The following MATCAP2 variants were observed in gnomAD, a reference collection of about 807,000 sequenced individuals.
MATCAP2 encodes putative tyrosine carboxypeptidase MATCAP2.
chr7:36,332,285 T>TG, the MATCAP2 span, among the ~76,000 whole-genome samples: 13 of 152,096 alleles, frequency 8.5e-5, no homozygotes, highest in Non-Finnish European at 1.9e-4. Context: ...AAAATGCCCT[T>TG]GAAAAAAAGA....
chr7:36,364,603 T>A, the MATCAP2 span, among the ~76,000 whole-genome samples: 3 of 151,544 alleles, frequency 2.0e-5, no homozygotes, highest in African/African-American at 7.3e-5. Flanking sequence ...GAAAAAAAAA[T>A]GAACACATTT....
At chr7:36,327,712 G>A in the MATCAP2 span, among the ~76,000 whole-genome samples, 4 of 152,214 alleles carry the variant, frequency 2.6e-5, no homozygotes, top group Admixed American at 6.5e-5. Flanking sequence ...GAGCACCCAC[G>A]TGATGCTCAC....
chr7:36,328,984 A>C, the MATCAP2 span, among the ~76,000 whole-genome samples: 1 of 152,200 alleles, frequency 6.6e-6, no homozygotes, highest in Non-Finnish European at 1.5e-5. Flanking sequence ...CAAAGGTTGC[A>C]GTGAGCCAAG....
the MATCAP2 span, among the ~76,000 whole-genome samples, chr7:36,378,805 G>A: frequency 3.9e-5 from 6 of 152,330 alleles, no homozygotes; most frequent in East Asian, 3.9e-4. Context: ...ACTCAGCAAC[G>A]GCAGACGCCC....
chr7:36,380,208 T>C, the MATCAP2 span, among the ~76,000 whole-genome samples: 1 of 152,188 alleles, frequency 6.6e-6, no homozygotes, highest in Non-Finnish European at 1.5e-5. Context: ...GCAGGGTTTA[T>C]TCAGGAATGA....
the MATCAP2 span, among the ~76,000 whole-genome samples, chr7:36,335,445 C>A: frequency 0.017 from 2,524 of 152,210 alleles, 34 homozygotes; most frequent in Non-Finnish European, 0.024. Context: ...AAAACTGTAC[C>A]TCTGAGGTGT....
the MATCAP2 span, among the ~76,000 whole-genome samples, chr7:36,350,079 C>A: frequency 2.0e-5 from 3 of 152,198 alleles, no homozygotes; most frequent in African/African-American, 7.2e-5. Context: ...AGAAGGCTTA[C>A]TTTTTCCTCC....
chr7:36,339,431 G>A, the MATCAP2 span, among the ~76,000 whole-genome samples: 2 of 152,198 alleles, frequency 1.3e-5, no homozygotes, highest in Non-Finnish European at 2.9e-5. Context: ...ATGGGAACTG[G>A]TGCCAAATGC....
chr7:36,336,163 G>A, the MATCAP2 span: 2 of 1,535,048 alleles, frequency 1.3e-6, no homozygotes, highest in Non-Finnish European at 1.7e-6. Flanking sequence ...CCTCCCCTAG[G>A]CAGCCTTCCT....
chr7:36,326,596 T>C, the MATCAP2 span: 1 of 474,086 alleles, frequency 2.1e-6, no homozygotes, highest in Non-Finnish European at 3.6e-6. Context: ...AGGGAAATAG[T>C]TTAAGATCTG....
chr7:36,331,244 A>T, the MATCAP2 span, among the ~76,000 whole-genome samples: 1 of 152,228 alleles, frequency 6.6e-6, no homozygotes, highest in Non-Finnish European at 1.5e-5. Flanking sequence ...ATAAAATGTC[A>T]GGTCTTGGGA....
At chr7:36,390,181 G>A in the MATCAP2 span, 1 of 1,462,960 alleles carries the variant, frequency 6.8e-7, no homozygotes, top group Non-Finnish European at 9.3e-7. Context: ...GTGCGGGCCG[G>A]GGTCGCCGCG....
the MATCAP2 span, chr7:36,355,914 G>A: frequency 6.6e-6 from 1 of 152,184 alleles, no homozygotes. Context: ...GTTCTGAAAT[G>A]TATTATAGCC....
At chr7:36,384,983 T>C in the MATCAP2 span, among the ~76,000 whole-genome samples, 2 of 152,198 alleles carry the variant, frequency 1.3e-5, no homozygotes, top group African/African-American at 4.8e-5. Context: ...TTGGATATCA[T>C]TTTAATTACA....
chr7:36,357,438 G>A, the MATCAP2 span: 1 of 1,614,104 alleles, frequency 6.2e-7, no homozygotes, highest in Non-Finnish European at 8.5e-7. Context: ...CTCTGTAGTA[G>A]GACATTGTAA....
chr7:36,386,814 C>T, the MATCAP2 span, among the ~76,000 whole-genome samples: 1 of 152,104 alleles, frequency 6.6e-6, no homozygotes, highest in African/African-American at 2.4e-5. Flanking sequence ...GAGCAGCAGC[C>T]AGGGGCATAT....
At chr7:36,331,993 G>A in the MATCAP2 span, among the ~76,000 whole-genome samples, 2 of 152,122 alleles carry the variant, frequency 1.3e-5, no homozygotes, top group Non-Finnish European at 2.9e-5. Context: ...ATAGGAAAAC[G>A]AATTTGGAAG....
the MATCAP2 span, among the ~76,000 whole-genome samples, chr7:36,351,935 G>GACTCC: frequency 1.3e-5 from 1 of 75,344 alleles, no homozygotes; most frequent in Admixed American, 1.9e-4. Flanking sequence ...GACAAAGGGA[G>GACTCC]ATTGTTAAAA....
At chr7:36,354,615 T>C in the MATCAP2 span, among the ~76,000 whole-genome samples, 4 of 152,338 alleles carry the variant, frequency 2.6e-5, no homozygotes, top group African/African-American at 7.2e-5. Flanking sequence ...AAGGAGGAGA[T>C]GGATGTATGA....
Sources: allele counts gnomAD v4.1 joint callset (sites outside exome capture counted in the v4.1 genomes callset), GRCh38; gene constraint gnomAD v4.1.1; transcripts MANE v1.5; gene names NCBI Gene and HGNC (gene_info 2026-07-23, HGNC 2026-07-21).